Variants in ZFC3H1 observed in about 807,000 individuals in gnomAD.
ZFC3H1 encodes zinc finger C3H1-type containing.
A neutral mutation model predicts 243.7 loss-of-function variants in ZFC3H1; 71 were observed. The observed-to-expected ratio is 0.29, with a 90% CI of 0.24 to 0.36. ZFC3H1 has a LOEUF of 0.36. Among genes scored for constraint, ZFC3H1 ranks in the 10% least tolerant of loss-of-function variants. ZFC3H1 has a pLI of 1.00. For missense variants in ZFC3H1, 1,966 were observed against 2,317.1 expected, an observed-to-expected ratio of 0.85 and a Z score of 3.11; for synonymous variants, 838 against 813.0, an observed-to-expected ratio of 1.03 and a Z score of -0.52.
intron 1 of ZFC3H1, among the ~76,000 whole-genome samples, chr12:71,660,096 A>G (rs1358709963): frequency 6.6e-6 from 1 of 152,228 alleles, no homozygotes; most frequent in Non-Finnish European, 1.5e-5. Context: ...AATAAACCCT[A>G]TACTCAGGCT....
chr12:71,647,471 T>C (rs1174137278), intron 3 of ZFC3H1, among the ~76,000 whole-genome samples: 2 of 152,140 alleles, frequency 1.3e-5, no homozygotes, highest in Non-Finnish European at 2.9e-5. Flanking sequence ...AGAAAATATC[T>C]GGATCAAAAT....
rs756118782 is a variant in ZFC3H1, at chr12:71,663,229, T to A, written c.382A>T (p.Ser128Cys). The stretch of plus-strand genomic sequence containing the variant: ...CGCTCCCAGAAAGACGGCCGGGGAC[T>A]GCTTTCGGACAGTGAGCTCGAAGGC... The part of the protein sequence containing the change: ...RMPSSSLSES[S>C]PRPSFWERSH... The change falls in exon 1 of 35, where the codon AGT becomes TGT. Residue 128 changes from serine to cysteine, a missense_variant. Transcript: ENST00000378743. The A allele has an allele frequency of 6.2e-7, 1 of 1,613,998 alleles. No homozygotes were observed. The highest frequency in any genetic ancestry group is 8.5e-7 in the Non-Finnish European group (1 of 1,180,028).
chr12:71,625,814 T>C (rs970535468), intron 22 of ZFC3H1, among the ~76,000 whole-genome samples: 1 of 152,242 alleles, frequency 6.6e-6, no homozygotes, highest in African/African-American at 2.4e-5. Flanking sequence ...ATTGGGATTA[T>C]TTCTATAAGC....
intron 5 of ZFC3H1, among the ~76,000 whole-genome samples, chr12:71,643,663 T>C (rs1228376633): frequency 6.6e-6 from 1 of 152,168 alleles, no homozygotes; most frequent in Non-Finnish European, 1.5e-5. Flanking sequence ...GACCACTAAA[T>C]ACAAAATAGC....
In ZFC3H1 at chr12:71,632,053, T is replaced by C. The variant is rs149187335; in HGVS notation, c.3279A>G (p.Lys1093=). 19,694 of 1,609,622 alleles carry C rather than the reference T, an allele frequency of 0.012. 164 individuals carry two copies. The highest frequency in any genetic ancestry group is 0.015 in the Non-Finnish European group (18,191 of 1,178,834). The change falls in exon 15 of 35, where the codon AAA becomes AAG. Residue 1093 remains lysine (K), a synonymous_variant. Coordinates refer to ENST00000378743, the MANE Select transcript of ZFC3H1 (RefSeq NM_144982.5). ...TTAGGCTGTCAGCTTTTGAATACAA[T>C]TTTTGCAATTCACCAATTTTTAACC... ...FLGLKIGELQ[K]LYSKADSLKQ... is the part of the protein sequence containing the mutation.
intron 31 of ZFC3H1, 42 bp from the exon 32 acceptor site, chr12:71,611,929 G>T (rs150000815): frequency 2.8e-5 from 36 of 1,300,866 alleles, no homozygotes; most frequent in Admixed American, 5.7e-5. Context: ...CATTGCAAGT[G>T]TAACGAACCC....
intron 6 of ZFC3H1, chr12:71,639,392 A>T (rs1414994501): frequency 4.3e-6 from 1 of 233,548 alleles, no homozygotes; most frequent in Non-Finnish European, 8.5e-6. Context: ...GCTGTGTCAC[A>T]TTTGTGTTAT....
intron 6 of ZFC3H1, among the ~76,000 whole-genome samples, chr12:71,640,899 A>G (rs1880586141): frequency 6.6e-6 from 1 of 152,050 alleles, no homozygotes; most frequent in Non-Finnish European, 1.5e-5. Flanking sequence ...AAAACTCTAT[A>G]TGGAAAACAT....
At position 71,633,249 on chromosome 12, in the gene ZFC3H1, T is replaced by C. The variant is rs1167588013; in HGVS notation, c.2685+15A>G. The C allele has an allele frequency of 3.2e-6, 5 of 1,565,092 alleles. No individual in the cohort carries two copies. Among genetic ancestry groups the C allele is most frequent in the Non-Finnish European group, 4.3e-6 (5 of 1,161,876 alleles). ...GTGTAGTAAACAGGAGACTACAGTA[T>C]TTTAAAATAATTACTTGTTCCTGAA... On this transcript the variant is annotated intron_variant, in intron 13 of 34. Coordinates refer to ENST00000378743, the MANE Select transcript of ZFC3H1 (RefSeq NM_144982.5).
At chr12:71,644,044 T>A in intron 5 of ZFC3H1, 51 bp downstream of exon 5, 5 of 1,492,780 alleles carry the variant, frequency 3.3e-6, no homozygotes, top group Non-Finnish European at 4.6e-6. Context: ...GAAATATGAC[T>A]TTAAGGAAAC....
intron 31 of ZFC3H1, among the ~76,000 whole-genome samples, chr12:71,612,752 C>G (rs1306121826): frequency 6.6e-6 from 1 of 152,070 alleles, no homozygotes; most frequent in East Asian, 1.9e-4. Flanking sequence ...ATGCAGGGTA[C>G]CTTTTTGAAT....
At chr12:71,648,711 T>C (rs1231503737) in intron 2 of ZFC3H1, among the ~76,000 whole-genome samples, 1 of 152,178 alleles carries the variant, frequency 6.6e-6, no homozygotes, top group Non-Finnish European at 1.5e-5. Context: ...TAGAAGGCAA[T>C]GACCAAATTT....
At chr12:71,618,070 T>G (rs1175817861) in intron 27 of ZFC3H1, among the ~76,000 whole-genome samples, 2 of 151,906 alleles carry the variant, frequency 1.3e-5, no homozygotes, top group African/African-American at 4.8e-5. Context: ...TTCGAGACCA[T>G]CCTGGGTAAC....
chr12:71,634,920 T>C, intron 10 of ZFC3H1, 95 bp from the exon 11 acceptor site: 2 of 1,354,344 alleles, frequency 1.5e-6, no homozygotes, highest in Non-Finnish European at 2.0e-6. Flanking sequence ...CAGTGTATAC[T>C]GAATTTATTT....
At position 71,638,431 on chromosome 12, in the gene ZFC3H1, G is replaced by A. The variant is rs374584470; in HGVS notation, c.1712C>T (p.Pro571Leu). ...SPAPSLSLPP[P>L]PQVSSLPPLS... ...ATTCTGACTTACAGAAACCTGAGGT[G>A]GTGGAGGCAAAGAAAGAGATGGTGC... The change falls in exon 7 of 35, where the codon CCA (proline) becomes CTA (leucine). Residue 571 changes from proline to leucine, a missense_variant. Physicochemically the swap from Pro to Leu is moderately conservative, Grantham distance 98. This residue lies in a region of ZFC3H1 where 1,383 missense variants were observed against 1,723.7 expected (regional missense o/e 0.80). Coordinates refer to ENST00000378743, the MANE Select transcript of ZFC3H1 (RefSeq NM_144982.5). 6.8e-6 allele frequency: 11 copies of A among 1,612,312 alleles called. No homozygotes were observed. The highest frequency in any genetic ancestry group is 8.5e-6 in the Non-Finnish European group (10 of 1,179,338).
In ZFC3H1 at chr12:71,642,461, A is replaced by T; in HGVS notation, c.1602T>A (p.Asp534Glu). The T allele has an allele frequency of 1.9e-6, 3 of 1,613,270 alleles. No individual in the cohort carries two copies. Among genetic ancestry groups the T allele is most frequent in the Non-Finnish European group, 2.5e-6 (3 of 1,179,638 alleles). The change falls in exon 6 of 35, where the codon GAT becomes GAA. Residue 534 changes from aspartate to glutamate, a missense_variant. Transcript: ENST00000378743. ...QYDNYEEVAM[D>E]TDSETSSPAP... is the part of the protein sequence containing the mutation. ...CTGGAGAACTGGTTTCACTATCTGT[A>T]TCCATAGCAACTTCTTCATAGTTAT...
intron 24 of ZFC3H1, 63 bp from the exon 25 acceptor site, chr12:71,620,378 G>A (rs1029622312): frequency 1.3e-6 from 2 of 1,543,178 alleles, no homozygotes; most frequent in Non-Finnish European, 1.8e-6. Context: ...ATTTGACTGT[G>A]TTACTTCAAC....
chr12:71,619,259 T>C, intron 27 of ZFC3H1, 56 bp downstream of exon 27: 1 of 1,480,384 alleles, frequency 6.8e-7, no homozygotes. Context: ...CTGTAATCTT[T>C]CTACTGAACT....
In ZFC3H1 at chr12:71,614,687, C is replaced by T; in HGVS notation, c.5374G>A (p.Ala1792Thr). ...CTGGATCCAGCAGCTCTATTATTTG[C>T]AAAGACAAGATAACTGCCAAAAGAA... ...QKIWMDYLVFANNRAAGSRNK... is the reference protein window; with the variant it reads ...QKIWMDYLVFTNNRAAGSRNK... Residue 1792 changes from alanine to threonine, a missense_variant, in exon 30 of 35, where the codon GCA (alanine) becomes ACA (threonine). Physicochemically the swap from Ala to Thr is moderately conservative, Grantham distance 58. This residue lies in a region of ZFC3H1 where 1,383 missense variants were observed against 1,723.7 expected (regional missense o/e 0.80). Coordinates refer to ENST00000378743, the MANE Select transcript of ZFC3H1 (RefSeq NM_144982.5). 1.2e-6 allele frequency: 2 copies of T among 1,604,914 alleles called. No individual in the cohort carries two copies. Among genetic ancestry groups the T allele is most frequent in the Non-Finnish European group, 1.7e-6 (2 of 1,177,338 alleles).
Sources: gnomAD v4.1 joint callset for allele counts (sites outside exome capture counted in the v4.1 genomes callset) on GRCh38, gnomAD v4.1.1 for gene constraint, gnomAD v4.1.1 regional missense constraint, MANE v1.5 for transcripts, NCBI Gene and HGNC (gene_info 2026-07-23, HGNC 2026-07-21) for gene names.